FAM227B: variants seen among roughly 807,000 people sequenced by gnomAD.
FAM227B encodes the protein protein FAM227B.
FAM227B carries 88 observed loss-of-function variants against 73.8 expected under a neutral mutation model. That is an observed-to-expected ratio of 1.19 (90% CI 1.00 to 1.42). FAM227B has a LOEUF of 1.42. Ranked by LOEUF, FAM227B falls within the 40% of genes most tolerant of loss-of-function variation. The pLI, the probability that FAM227B is intolerant of heterozygous loss-of-function variation, is 0.00. For synonymous variants in FAM227B, 210 were observed against 190.5 expected (o/e 1.10, Z -0.84); for missense variants, 632 against 590.9 (o/e 1.07, Z -0.72).
chr15:49,335,143 C>G (rs891026184), intron 14 of FAM227B, among the ~76,000 whole-genome samples: 2 of 152,164 alleles, frequency 1.3e-5, no homozygotes, highest in Non-Finnish European at 2.9e-5. Context: ...CTCCAGTCTC[C>G]ATTCCCTGGA....
intron 11 of FAM227B, among the ~76,000 whole-genome samples, chr15:49,480,607 G>C (rs1453240670): frequency 6.6e-6 from 1 of 150,392 alleles, no homozygotes; most frequent in Non-Finnish European, 1.5e-5. Context: ...TCAGCCTCCT[G>C]AGTAGCTGGG....
At chr15:49,389,653 G>GA (rs1258403570) in intron 11 of FAM227B, among the ~76,000 whole-genome samples, 2 of 151,156 alleles carry the variant, frequency 1.3e-5, no homozygotes, top group Non-Finnish European at 3.0e-5. Context: ...TTAAAAAGAA[G>GA]AAAAAAGTAT....
At chr15:49,574,301 T>C (rs1162094172) in intron 8 of FAM227B, among the ~76,000 whole-genome samples, 1 of 152,154 alleles carries the variant, frequency 6.6e-6, no homozygotes, top group Non-Finnish European at 1.5e-5. Context: ...CCCTCTGATA[T>C]GGTTTGGCTC....
Position 49,359,406 on chromosome 15 carries a change from A to G in FAM227B, c.1271+8042T>C, listed in dbSNP as rs2043775158. 2.5e-5 allele frequency among the ~76,000 whole-genome samples: 3 copies of G among 119,054 alleles called. 1 individual carries two copies. The highest frequency in any genetic ancestry group is 2.4e-4 in the Admixed American group (3 of 12,570). The allele number at this position is 119,054 out of a possible 152,430, so 78.1% of individuals were successfully genotyped here. On this transcript the variant is annotated intron_variant, in intron 13 of 15. Transcript: ENST00000299338. ...CAAATTTACAAGAAAAAAACAAACAACCCCATCAAATAGTGGGCGAAGGAC... is the reference window on the plus strand; with the variant it reads ...CAAATTTACAAGAAAAAAACAAACAGCCCCATCAAATAGTGGGCGAAGGAC...
intron 5 of FAM227B, among the ~76,000 whole-genome samples, chr15:49,585,608 T>G (rs577176441): frequency 6.6e-6 from 1 of 151,784 alleles, no homozygotes; most frequent in Non-Finnish European, 1.5e-5. Flanking sequence ...AACCAAACAC[T>G]GCATGTTCTC....
intron 8 of FAM227B, 84 bp from the exon 9 acceptor site, chr15:49,568,430 C>A: frequency 9.0e-7 from 1 of 1,114,530 alleles, no homozygotes. Flanking sequence ...TTCATTTATT[C>A]TCATGAGCAG....
At chr15:49,443,532 C>T (rs1415154214) in intron 11 of FAM227B, among the ~76,000 whole-genome samples, 1 of 151,540 alleles carries the variant, frequency 6.6e-6, no homozygotes, top group Admixed American at 6.6e-5. Flanking sequence ...GTAGATTAAA[C>T]TTAAGGTTTA....
chr15:49,504,048 T>C (rs905265953), intron 11 of FAM227B, among the ~76,000 whole-genome samples: 1 of 151,924 alleles, frequency 6.6e-6, no homozygotes, highest in Non-Finnish European at 1.5e-5. Flanking sequence ...AATGATAGAC[T>C]GGATTAAGAA....
chr15:49,561,525 T>C (rs1338428393), intron 9 of FAM227B, among the ~76,000 whole-genome samples: 1 of 152,088 alleles, frequency 6.6e-6, no homozygotes, highest in African/African-American at 2.4e-5. Context: ...ACCTAACAAA[T>C]ATCTACAGAG....
intron 13 of FAM227B, chr15:49,366,713 G>A (rs1409201187): frequency 6.3e-6 from 8 of 1,263,030 alleles, no homozygotes; most frequent in Non-Finnish European, 9.1e-6. Flanking sequence ...GTGGGGTGGC[G>A]CGGCGCGGCT....
intron 9 of FAM227B, among the ~76,000 whole-genome samples, chr15:49,550,356 C>T (rs1210529802): frequency 1.7e-4 from 25 of 146,366 alleles, no homozygotes; most frequent in African/African-American, 5.3e-4. Context: ...ACCTCCCTCC[C>T]GGACGGGGCG....
intron 2 of FAM227B, 59 bp from the exon 3 acceptor site, chr15:49,611,327 T>G (rs1389437257): frequency 1.2e-6 from 1 of 852,770 alleles, no homozygotes; most frequent in Admixed American, 2.3e-5. Flanking sequence ...GTTCATAATA[T>G]TTACAAATAA....
chr15:49,539,832 CAT>C (rs758834389), intron 10 of FAM227B, among the ~76,000 whole-genome samples: 15 of 152,254 alleles, frequency 9.9e-5, no homozygotes, highest in Admixed American at 2.0e-4. Flanking sequence ...AAAGTGAAGA[CAT>C]GTGTGGAGTA....
intron 11 of FAM227B, chr15:49,396,109 C>A (rs2047579716): frequency 4.9e-6 from 2 of 407,060 alleles, no homozygotes; most frequent in Non-Finnish European, 9.7e-6. Context: ...TAGGGAGTGC[C>A]AGACAGTGGG....
chr15:49,364,507 A>C (rs550045918), intron 13 of FAM227B, among the ~76,000 whole-genome samples: 7 of 151,994 alleles, frequency 4.6e-5, no homozygotes, highest in Non-Finnish European at 8.8e-5. Context: ...GTTTCTCTAC[A>C]GCTGAAAAAA....
chr15:49,484,167 C>T, intron 11 of FAM227B: 1 of 556,954 alleles, frequency 1.8e-6, no homozygotes, highest in South Asian at 2.3e-5. Flanking sequence ...AGCTAATAAA[C>T]CACATTAGGC....
intron 10 of FAM227B, among the ~76,000 whole-genome samples, chr15:49,530,090 T>C (rs942453831): frequency 6.6e-6 from 1 of 151,842 alleles, no homozygotes. Flanking sequence ...GAGTTTTCCA[T>C]GGATATATCA....
At chr15:49,580,152 C>T (rs2075720992) in intron 5 of FAM227B, among the ~76,000 whole-genome samples, 1 of 152,110 alleles carries the variant, frequency 6.6e-6, no homozygotes, top group South Asian at 2.1e-4. Context: ...AAAAGAATAA[C>T]TATTAAAACT....
intron 8 of FAM227B, among the ~76,000 whole-genome samples, chr15:49,568,915 G>A (rs75005008): frequency 0.017 from 2,577 of 152,008 alleles, 36 homozygotes; most frequent in Middle Eastern, 0.037. Context: ...GTTAGAAAAT[G>A]TTTCCTCTTC....
Sources: allele counts gnomAD v4.1 joint callset (sites outside exome capture counted in the v4.1 genomes callset), GRCh38; gene constraint gnomAD v4.1.1; transcripts MANE v1.5; gene names NCBI Gene and HGNC (gene_info 2026-07-23, HGNC 2026-07-21).